Variants in ATP5MC2 observed in about 807,000 individuals in gnomAD.
ATP5MC2 encodes the protein ATP synthase F(0) complex subunit C2, mitochondrial.
A neutral mutation model predicts 13.5 loss-of-function variants in ATP5MC2; 11 were observed. The ratio of observed to expected loss-of-function variants is 0.81; its 90% CI spans 0.51 to 1.35. The LOEUF (loss-of-function observed/expected upper bound fraction) is 1.35. ATP5MC2 is among the 40% of genes most tolerant of loss of function. The probability of loss-of-function intolerance (pLI) is 0.00; values close to 1 mark genes in which losing one functional copy is unlikely to be tolerated. For synonymous variants in ATP5MC2, 64 were observed against 69.7 expected, an observed-to-expected ratio of 0.92 and a Z score of 0.41; for missense variants, 132 against 175.0, an observed-to-expected ratio of 0.75 and a Z score of 1.39.
intron 3 of ATP5MC2, 99 bp from the exon 4 acceptor site, chr12:53,669,440 C>A: frequency 6.9e-7 from 1 of 1,448,318 alleles, no homozygotes; most frequent in Non-Finnish European, 9.1e-7. Context: ...GTTTCTCCCC[C>A]AAACAGAAAA....
At chr12:53,679,049 G>A (rs1945325129), upstream of ATP5MC2, among the ~76,000 whole-genome samples, 2 of 152,148 alleles carry the variant, frequency 1.3e-5, no homozygotes, top group South Asian at 4.1e-4. Flanking sequence ...CTAAGAGAGA[G>A]GTTCAGCTTC....
Position 53,667,604 on chromosome 12 carries a change from T to C in ATP5MC2, c.311+1544A>G, listed in dbSNP as rs58078020. 1.3e-3 allele frequency among the ~76,000 whole-genome samples: 201 copies of C among 152,084 alleles called. 2 individuals carry two copies. In the East Asian group the frequency reaches 0.029, roughly 22 times the overall value. Reference sequence around the variant, plus strand: ...CTCCGCCTTCAGGGTTCAAGTGATTTTCCTGCCTCAGCCTCCTGAGTAGCT... The same window carrying C: ...CTCCGCCTTCAGGGTTCAAGTGATTCTCCTGCCTCAGCCTCCTGAGTAGCT... On this transcript the variant is annotated intron_variant, in intron 4 of 4. Transcript: ENST00000394349.
At position 53,665,431 on chromosome 12, in the gene ATP5MC2, G is replaced by C; in HGVS notation, c.312-3C>G. 6.2e-7 allele frequency: 1 copy of C among 1,607,892 alleles called. No homozygotes were observed. The highest frequency in any genetic ancestry group is 8.5e-7 in the Non-Finnish European group (1 of 1,174,368). ...GCTGTTGCTTCAGAGAAGGGTTCCT[G>C]GTAGAAGGAGAAGAGAAAAGACTGA... On this transcript the variant is annotated splice_region_variant and splice_polypyrimidine_tract_variant and intron_variant, in intron 4 of 4. Transcript: ENST00000394349.
intron 1 of ATP5MC2, chr12:53,672,960 G>C (rs1241463890): frequency 3.9e-6 from 1 of 253,578 alleles, no homozygotes; most frequent in Non-Finnish European, 7.6e-6. Context: ...AGTGTCTTTT[G>C]CCTAAGTTTT....
intron 4 of ATP5MC2, among the ~76,000 whole-genome samples, chr12:53,666,700 C>T (rs1439788712): frequency 6.6e-6 from 1 of 151,316 alleles, no homozygotes; most frequent in African/African-American, 2.4e-5. Flanking sequence ...GCAGAGGTTG[C>T]AGTGAGCTGA....
In ATP5MC2 at chr12:53,667,956, C is replaced by CATATATATATATATATAT. The variant is rs772110168; in HGVS notation, c.311+1174_311+1191dup. ...TCTAATACATACATACATACACACACATATATATATATATATATATATATA... is the reference window on the plus strand; with the variant it reads ...TCTAATACATACATACATACACACACATATATATATATATATATATATATATATATATATATATATATA... On this transcript the variant is annotated intron_variant, in intron 4 of 4. Coordinates refer to ENST00000394349, the MANE Select transcript of ATP5MC2 (RefSeq NM_005176.7). Among the ~76,000 whole-genome samples, 235 of 67,156 alleles carry CATATATATATATATATAT rather than the reference C, an allele frequency of 3.5e-3. 9 individuals are homozygous for CATATATATATATATATAT. The highest frequency in any genetic ancestry group is 0.013 in the East Asian group (24 of 1,882). 44.1% of individuals were successfully genotyped at this position (67,156 alleles called of 152,430 possible).
At chr12:53,681,275 C>T (rs11170644), upstream of ATP5MC2, among the ~76,000 whole-genome samples, 84,613 of 151,250 alleles carry the variant, frequency 0.56, 24,600 homozygotes, top group East Asian at 0.9. Flanking sequence ...TCTGTAATCC[C>T]AGCACTTTGG....
At chr12:53,676,186 C>T (rs35269323), upstream of ATP5MC2, 1 of 1,613,254 alleles carries the variant, frequency 6.2e-7, no homozygotes, top group East Asian at 2.2e-5. Context: ...AGGATCAGCT[C>T]AGGCATCACA....
At chr12:53,673,527 C>T (rs1385787020) in intron 1 of ATP5MC2, 1 of 152,106 alleles carries the variant, frequency 6.6e-6, no homozygotes, top group Non-Finnish European at 1.5e-5. Context: ...ATTAGTCTAT[C>T]CAAAAGGTAT....
At chr12:53,676,362 A>C, upstream of ATP5MC2, 1 of 938,496 alleles carries the variant, frequency 1.1e-6, no homozygotes. Context: ...GGGATCTCGG[A>C]CTTGCGTCCC....
Position 53,665,251 on chromosome 12 carries a change from A to G in ATP5MC2, c.*63T>C. 7.3e-7 allele frequency: 1 copy of G among 1,361,776 alleles called. No individual in the cohort carries two copies. Among genetic ancestry groups the G allele is most frequent in the Non-Finnish European group, 1.0e-6 (1 of 980,692 alleles). 84.4% of individuals were successfully genotyped at this position (1,361,776 alleles called of 1,614,324 possible). A position where few individuals can be genotyped will look rare whatever the true frequency, so the allele number is the denominator to read the frequency against. ...TTCCCCAGGCTGCCTGGGGAGGTAT[A>G]GGAAAAGGAACACACGGGGCCAACC... On this transcript the variant is annotated 3_prime_UTR_variant, in exon 5 of 5. Coordinates refer to ENST00000394349, the MANE Select transcript of ATP5MC2 (RefSeq NM_005176.7).
intron 4 of ATP5MC2, 24 bp from the exon 5 acceptor site, chr12:53,665,452 A>C: frequency 6.4e-7 from 1 of 1,560,248 alleles, no homozygotes; most frequent in Non-Finnish European, 8.8e-7. Context: ...AAGAGAAAAG[A>C]CTGAATTTCT....
chr12:53,668,664 G>A (rs528615535), intron 4 of ATP5MC2, among the ~76,000 whole-genome samples: 3 of 152,110 alleles, frequency 2.0e-5, no homozygotes, highest in Admixed American at 6.6e-5. Flanking sequence ...CTGAGCACTC[G>A]AAATATGGTT....
intron 3 of ATP5MC2, 144 bp from the exon 4 acceptor site, chr12:53,669,485 C>A: frequency 1.4e-6 from 2 of 1,419,984 alleles, no homozygotes; most frequent in Non-Finnish European, 9.2e-7. Flanking sequence ...CAAGTAGAAC[C>A]TTTTAACGTA....
At position 53,665,368 on chromosome 12, in the gene ATP5MC2, C is replaced by T. The variant is rs2138008578; in HGVS notation, c.372G>A (p.Glu124=). The T allele has an allele frequency of 1.9e-6, 3 of 1,614,050 alleles. No homozygotes were observed. Among genetic ancestry groups the T allele is most frequent in the Non-Finnish European group, 2.5e-6 (3 of 1,180,026 alleles). The part of the protein sequence containing the change: ...SYAILGFALS[E]AMGLFCLMVA... ...CCATCAGACAAAAGAGCCCCATGGCCTCCGAGAGGGCAAAGCCCAGAATGG... is the reference window on the plus strand; with the variant it reads ...CCATCAGACAAAAGAGCCCCATGGCTTCCGAGAGGGCAAAGCCCAGAATGG... The change falls in exon 5 of 5, where the codon GAG becomes GAA. Residue 124 remains glutamate, a synonymous_variant. Coordinates refer to ENST00000394349, the MANE Select transcript of ATP5MC2 (RefSeq NM_005176.7).
At chr12:53,667,152 A>G (rs1328340157) in intron 4 of ATP5MC2, among the ~76,000 whole-genome samples, 3 of 152,210 alleles carry the variant, frequency 2.0e-5, no homozygotes, top group Non-Finnish European at 4.4e-5. Context: ...CTTGTTTAAT[A>G]CAAATTCTTA....
chr12:53,665,453 C>A (rs1295437489), intron 4 of ATP5MC2, 25 bp from the exon 5 acceptor site: 1 of 1,557,168 alleles, frequency 6.4e-7, no homozygotes, highest in Admixed American at 1.7e-5. Flanking sequence ...AGAGAAAAGA[C>A]TGAATTTCTA....
chr12:53,672,677 C>T (rs759721930), intron 1 of ATP5MC2, 32 bp from the exon 2 acceptor site: 8 of 1,547,780 alleles, frequency 5.2e-6, no homozygotes, highest in Non-Finnish European at 6.1e-6. Context: ...TGTAAACGCT[C>T]CTTATTCACT....
chr12:53,681,385 GCA>G, upstream of ATP5MC2, among the ~76,000 whole-genome samples: 1 of 151,146 alleles, frequency 6.6e-6, no homozygotes, highest in East Asian at 2.0e-4. Context: ...AATTAGCTGG[GCA>G]TGGTGGTGGG....
Sources: allele counts gnomAD v4.1 joint callset (sites outside exome capture counted in the v4.1 genomes callset), GRCh38; gene constraint gnomAD v4.1.1; transcripts MANE v1.5; gene names NCBI Gene and HGNC (gene_info 2026-07-23, HGNC 2026-07-21).